The following SNTG1 variants were observed in gnomAD, a reference collection of about 807,000 sequenced individuals.
The protein encoded by SNTG1 is syntrophin gamma 1, also known as gamma-1-syntrophin.
SNTG1 carries 39 observed loss-of-function variants against 74.7 expected under a neutral mutation model. That is an observed-to-expected ratio of 0.52 (90% CI 0.40 to 0.68). The LOEUF (loss-of-function observed/expected upper bound fraction) is 0.68. Ranked by LOEUF, SNTG1 falls within the 30% of genes least tolerant of loss-of-function variation. The pLI, the probability that SNTG1 is intolerant of heterozygous loss-of-function variation, is 0.00. For missense variants in SNTG1, 685 were observed against 609.5 expected, an observed-to-expected ratio of 1.12 and a Z score of -1.30; for synonymous variants, 254 against 217.1, an observed-to-expected ratio of 1.17 and a Z score of -1.49.
chr8:50,323,178 C>A (rs1008044341), intron 2 of SNTG1, among the ~76,000 whole-genome samples: 3 of 150,678 alleles, frequency 2.0e-5, no homozygotes, highest in Non-Finnish European at 4.4e-5. Context: ...TCCAAAATTT[C>A]CACTAGATTC....
intron 5 of SNTG1, among the ~76,000 whole-genome samples, chr8:50,441,641 TG>T (rs1466302656): frequency 2.6e-5 from 4 of 152,230 alleles, no homozygotes; most frequent in African/African-American, 9.6e-5. Context: ...TTTCAAATTT[TG>T]TCTAGTTTTC....
At chr8:50,780,380 A>G (rs1485983695) in intron 18 of SNTG1, among the ~76,000 whole-genome samples, 1 of 152,110 alleles carries the variant, frequency 6.6e-6, no homozygotes, top group African/African-American at 2.4e-5. Context: ...ACAATTTCAG[A>G]GCCTATTACT....
chr8:50,778,650 G>T (rs998884661), intron 18 of SNTG1, among the ~76,000 whole-genome samples: 23 of 127,926 alleles, frequency 1.8e-4, no homozygotes, highest in African/African-American at 1.1e-3. Context: ...CCATTTTGTA[G>T]GTTGCCTGTT....
intron 9 of SNTG1, among the ~76,000 whole-genome samples, chr8:50,508,964 C>G (rs2094037529): frequency 6.6e-6 from 1 of 152,096 alleles, no homozygotes; most frequent in Non-Finnish European, 1.5e-5. Context: ...GTTGCCATTG[C>G]TTTTGGTGTT....
At chr8:50,784,245 G>T (rs1169595616) in intron 18 of SNTG1, among the ~76,000 whole-genome samples, 3 of 152,120 alleles carry the variant, frequency 2.0e-5, no homozygotes, top group Non-Finnish European at 4.4e-5. Flanking sequence ...TACTTAGTGG[G>T]AGTAAAAGGG....
intron 1 of SNTG1, among the ~76,000 whole-genome samples, chr8:49,938,273 C>T (rs1808268831): frequency 6.6e-6 from 1 of 152,140 alleles, no homozygotes; most frequent in Non-Finnish European, 1.5e-5. Flanking sequence ...TGATGTGTTC[C>T]CAAATAACAG....
At chr8:50,530,397 T>A (rs1485625619) in intron 10 of SNTG1, 138 bp downstream of exon 10, 15 of 866,748 alleles carry the variant, frequency 1.7e-5, no homozygotes, top group Non-Finnish European at 2.7e-5. Flanking sequence ...AAACAAGAAA[T>A]GCAAAATAAA....
intron 2 of SNTG1, among the ~76,000 whole-genome samples, chr8:50,349,698 G>A (rs1272045813): frequency 6.6e-6 from 1 of 152,130 alleles, no homozygotes; most frequent in Admixed American, 6.6e-5. Flanking sequence ...TGATGCTATG[G>A]GATTCTTTCA....
In SNTG1 at chr8:50,143,905, A is replaced by T. The variant is rs199500863; in HGVS notation, c.-102-28656A>T. On this transcript the variant is annotated intron_variant, in intron 1 of 18. Transcript: ENST00000642720. Reference sequence around the variant, plus strand: ...AGTTACATCATATACCTTAATCAGTATTAAAAATTAGAATTCCTTTTAACA... The same window carrying T: ...AGTTACATCATATACCTTAATCAGTTTTAAAAATTAGAATTCCTTTTAACA... 1.8e-4 allele frequency among the ~76,000 whole-genome samples: 27 copies of T among 152,316 alleles called. No homozygotes were observed. In the East Asian group the frequency reaches 4.8e-3, roughly 27 times the overall value.
chr8:50,310,992 A>G (rs935980786), intron 2 of SNTG1, among the ~76,000 whole-genome samples: 3 of 152,230 alleles, frequency 2.0e-5, no homozygotes, highest in Admixed American at 1.3e-4. Flanking sequence ...ATTTTATTTC[A>G]AGATCACACA....
intron 13 of SNTG1, among the ~76,000 whole-genome samples, chr8:50,607,202 G>T (rs1476257942): frequency 6.6e-6 from 1 of 151,722 alleles, no homozygotes; most frequent in East Asian, 1.9e-4. Context: ...ATATGATCTG[G>T]TATCAGAGTA....
chr8:50,538,524 C>T (rs999464153), intron 11 of SNTG1, among the ~76,000 whole-genome samples: 31 of 152,116 alleles, frequency 2.0e-4, no homozygotes, highest in Non-Finnish European at 4.6e-4. Context: ...ATATGTTAGG[C>T]ATTAATGTCT....
chr8:50,128,896 G>C (rs938346175), intron 1 of SNTG1, among the ~76,000 whole-genome samples: 1 of 151,992 alleles, frequency 6.6e-6, no homozygotes, highest in Admixed American at 6.6e-5. Flanking sequence ...TTGCATTTAA[G>C]TGTCATTTTA....
At chr8:50,748,829 G>A (rs2095560872) in intron 17 of SNTG1, among the ~76,000 whole-genome samples, 2 of 152,022 alleles carry the variant, frequency 1.3e-5, no homozygotes, top group Non-Finnish European at 2.9e-5. Context: ...CCAAAAAGAT[G>A]TGTGTTCTGA....
chr8:50,094,888 C>A (rs2079870149), intron 1 of SNTG1, among the ~76,000 whole-genome samples: 1 of 152,076 alleles, frequency 6.6e-6, no homozygotes. Context: ...TTCATGATAG[C>A]AAAGACATGG....
chr8:50,723,161 G>A (rs981871645), intron 17 of SNTG1, among the ~76,000 whole-genome samples: 2 of 152,048 alleles, frequency 1.3e-5, no homozygotes, highest in African/African-American at 4.8e-5. Flanking sequence ...GAGCTTCACA[G>A]GTCCATGGAA....
intron 1 of SNTG1, among the ~76,000 whole-genome samples, chr8:50,092,706 A>C (rs2079784756): frequency 6.6e-6 from 1 of 152,134 alleles, no homozygotes. Context: ...CCCTAATATA[A>C]TTCTTGCACA....
chr8:50,401,036 A>G (rs1358682959), intron 3 of SNTG1, among the ~76,000 whole-genome samples: 1 of 152,208 alleles, frequency 6.6e-6, no homozygotes, highest in Non-Finnish European at 1.5e-5. Flanking sequence ...CAATATATAC[A>G]TACATCAAAA....
chr8:50,705,341 G>A (rs7823279), intron 16 of SNTG1, among the ~76,000 whole-genome samples: 3,295 of 151,942 alleles, frequency 0.022, 101 homozygotes, highest in African/African-American at 0.071. Flanking sequence ...TTACAGATAA[G>A]AAAACACAAA....
Sources: allele counts gnomAD v4.1 joint callset (sites outside exome capture counted in the v4.1 genomes callset), GRCh38; gene constraint gnomAD v4.1.1; transcripts MANE v1.5; gene names NCBI Gene and HGNC (gene_info 2026-07-23, HGNC 2026-07-21).